The following CBX8 variants were observed in gnomAD, a reference collection of about 807,000 sequenced individuals.
The protein encoded by CBX8 is chromobox 8, also known as chromobox protein homolog 8.
CBX8 carries 8 observed loss-of-function variants against 39.7 expected under a neutral mutation model. The observed-to-expected ratio is 0.20, with a 90% CI of 0.12 to 0.36. The LOEUF (loss-of-function observed/expected upper bound fraction) is 0.36. Among genes scored for constraint, CBX8 ranks in the 10% least tolerant of loss-of-function variants. CBX8 has a pLI of 1.00. For synonymous variants in CBX8, 268 were observed against 219.8 expected (o/e 1.22, Z -1.94); for missense variants, 505 against 529.6 (o/e 0.95, Z 0.46).
At position 79,794,198 on chromosome 17, in the gene CBX8, T is replaced by TG. The variant is rs1205365560; in HGVS notation, c.*436dup. ...GTGCCAGGAGTCTGGCATTGGGCTG[T>TG]GGGAGAAGGGAGGAGGGGTGAGGTG... is the stretch of plus-strand genomic sequence containing the variant. On this transcript the variant is annotated 3_prime_UTR_variant, in exon 5 of 5. Coordinates refer to ENST00000269385, the MANE Select transcript of CBX8 (RefSeq NM_020649.3). The TG allele has an allele frequency of 6.6e-6, 1 of 152,046 alleles. No individual in the cohort carries two copies. Among genetic ancestry groups the TG allele is most frequent in the Non-Finnish European group, 1.5e-5 (1 of 68,116 alleles). The allele number at this position is 152,046 out of a possible 1,614,324, so 9.4% of individuals were successfully genotyped here.
At chr17:79,796,903 G>A (rs750380881) in intron 1 of CBX8, 27 bp downstream of exon 1, 5 of 1,589,116 alleles carry the variant, frequency 3.1e-6, no homozygotes, top group Admixed American at 1.7e-5. Flanking sequence ...CCGGCCGCAC[G>A]GAGGCCCTAG....
chr17:79,796,880 G>A, intron 1 of CBX8, 50 bp downstream of exon 1: 2 of 1,531,376 alleles, frequency 1.3e-6, no homozygotes, highest in Non-Finnish European at 1.8e-6. Context: ...AACCCGGGCC[G>A]GGAGGGGAGG....
chr17:79,795,679 C>CATGG lies in CBX8; in HGVS notation c.247-125_247-122dup. On this transcript the variant is annotated intron_variant, in intron 4 of 4. Coordinates refer to ENST00000269385, the MANE Select transcript of CBX8 (RefSeq NM_020649.3). This position sits in a 1 kb window ranked among gnomAD's most constrained non-coding sequence, Gnocchi z 5.8. ...ATGCCTGGGAATTTCTACATGGATG[C>CATGG]ATGGATGGGTGGGTGGGTGGGTGGG... is the stretch of plus-strand genomic sequence containing the variant. 1 of 28,970 alleles carries CATGG rather than the reference C, an allele frequency of 3.5e-5. No homozygotes were observed. The highest frequency in any genetic ancestry group is 1.5e-3 in the East Asian group (1 of 666). 1.8% of individuals were successfully genotyped at this position (28,970 alleles called of 1,614,324 possible). A position where few individuals can be genotyped will look rare whatever the true frequency, so the allele number is the denominator to read the frequency against.
intron 1 of CBX8, 54 bp from the exon 2 acceptor site, chr17:79,796,594 A>G (rs2145839565): frequency 6.3e-7 from 1 of 1,597,464 alleles, no homozygotes; most frequent in East Asian, 2.2e-5. Context: ...CATGACGAGG[A>G]TACAAGAAAT....
At position 79,794,638 on chromosome 17, in the gene CBX8, T is replaced by A; in HGVS notation, c.1167A>T (p.Arg389Ser). 6.4e-7 allele frequency: 1 copy of A among 1,562,010 alleles called. No individual in the cohort carries two copies. The highest frequency in any genetic ancestry group is 8.6e-7 in the Non-Finnish European group (1 of 1,158,046). ...CCTGGACACACCCACCCAGCATTCA[T>A]CTTTTCTCTTTAAAAAAGCCTTGGT... ...NTDQGFFKEKR is the reference protein window; with the variant it reads ...NTDQGFFKEKS The change falls in exon 5 of 5, where the codon AGA (arginine) becomes AGT (serine). Residue 389 changes from arginine (R) to serine (S), a missense_variant. Coordinates refer to ENST00000269385, the MANE Select transcript of CBX8 (RefSeq NM_020649.3).
In CBX8 at chr17:79,794,512, T is replaced by G. The variant is rs1018044695; in HGVS notation, c.*123A>C. ...GGAGGGATGAAAGGGGCTGGTGGGG[T>G]GGGGGTGACATCAGGGACGGGACCA... On this transcript the variant is annotated 3_prime_UTR_variant, in exon 5 of 5. Coordinates refer to ENST00000269385, the MANE Select transcript of CBX8 (RefSeq NM_020649.3). The G allele has an allele frequency of 1.9e-5, 12 of 622,366 alleles. No individual in the cohort carries two copies. Among genetic ancestry groups the G allele is most frequent in the Admixed American group, 2.8e-5 (1 of 35,286 alleles). The allele number at this position is 622,366 out of a possible 1,614,324, so 38.6% of individuals were successfully genotyped here. A position where few individuals can be genotyped will look rare whatever the true frequency, so the allele number is the denominator to read the frequency against.
chr17:79,796,120 T>C lies in CBX8; in HGVS notation c.183A>G (p.Glu61=). The C allele has an allele frequency of 6.2e-7, 1 of 1,614,136 alleles. No individual in the cohort carries two copies. The highest frequency in any genetic ancestry group is 8.5e-7 in the Non-Finnish European group (1 of 1,180,020). ...ARLLAAFEER[E]REMELYGPKK... is the part of the protein sequence containing the mutation. Reference sequence around the variant, plus strand: ...TGGGGCCATAGAGCTCCATCTCTCTTTCCCTGGAGAAAGAAGAAAAGGAGA... The same window carrying C: ...TGGGGCCATAGAGCTCCATCTCTCTCTCCCTGGAGAAAGAAGAAAAGGAGA... The change falls in exon 4 of 5, where the codon GAA becomes GAG. Residue 61 remains glutamate (E), a synonymous_variant. Coordinates refer to ENST00000269385, the MANE Select transcript of CBX8 (RefSeq NM_020649.3).
Position 79,796,832 on chromosome 17 carries a change from C to A in CBX8, c.69+98G>T, listed in dbSNP as rs1908113351. The A allele has an allele frequency of 4.9e-6, 6 of 1,218,124 alleles. No individual in the cohort carries two copies. The East Asian group carries it at 1.6e-4, about 32-fold the overall frequency. The allele number at this position is 1,218,124 out of a possible 1,614,324, so 75.5% of individuals were successfully genotyped here. On this transcript the variant is annotated intron_variant, in intron 1 of 4. Transcript: ENST00000269385. Reference sequence around the variant, plus strand: ...GCCACGGCCGCGGCCGCTGCTGGGACCTGGGGGAAGGGAAGCTGGGCTGCA... The same window carrying A: ...GCCACGGCCGCGGCCGCTGCTGGGAACTGGGGGAAGGGAAGCTGGGCTGCA...
rs1037700471 is a variant in CBX8, at chr17:79,793,025, G to A, written c.*1610C>T. The A allele has an allele frequency of 1.3e-5, 2 of 152,276 alleles. No homozygotes were observed. The highest frequency in any genetic ancestry group is 2.9e-5 in the Non-Finnish European group (2 of 68,078). The allele number at this position is 152,276 out of a possible 1,614,324, so 9.4% of individuals were successfully genotyped here. ...TCGCTGGCCCTTTAAGGGCGGGGAG[G>A]GCAGGGAGGCTGCGGGATCCGTGCT... On this transcript the variant is annotated 3_prime_UTR_variant, in exon 5 of 5. Coordinates refer to ENST00000269385, the MANE Select transcript of CBX8 (RefSeq NM_020649.3).
At chr17:79,796,586 T>A in intron 1 of CBX8, 46 bp from the exon 2 acceptor site, 1 of 1,607,502 alleles carries the variant, frequency 6.2e-7, no homozygotes, top group Non-Finnish European at 8.5e-7. Context: ...GAGAAACGCA[T>A]GACGAGGATA....
In CBX8 at chr17:79,792,929, C is replaced by G. The variant is rs924803641; in HGVS notation, c.*1706G>C. The G allele has an allele frequency of 3.3e-5, 5 of 151,660 alleles. No individual in the cohort carries two copies. Among genetic ancestry groups the G allele is most frequent in the Admixed American group, 3.3e-4 (5 of 15,256 alleles). The allele number at this position is 151,660 out of a possible 1,614,324, so 9.4% of individuals were successfully genotyped here. ...CCCCGACTCCCCGCCTCGCTCCCCC[C>G]GAGTCTGTGCTTCCTCTGGCGTGCA... On this transcript the variant is annotated 3_prime_UTR_variant, in exon 5 of 5. Coordinates refer to ENST00000269385, the MANE Select transcript of CBX8 (RefSeq NM_020649.3).
In CBX8 at chr17:79,795,322, ATCCCGC is replaced by A. The variant is rs769026194; in HGVS notation, c.477_482del (p.Glu159_Arg160del). 8.2e-6 allele frequency: 13 copies of A among 1,580,830 alleles called. No individual in the cohort carries two copies. Among genetic ancestry groups the A allele is most frequent in the Non-Finnish European group, 1.1e-5 (13 of 1,162,274 alleles). On this transcript the variant is annotated inframe_deletion, in exon 5 of 5. Coordinates refer to ENST00000269385, the MANE Select transcript of CBX8 (RefSeq NM_020649.3). The surrounding 1 kb of genome is among the most constrained non-coding windows in gnomAD (Gnocchi z 5.8). ...TCTCTCGCTCCCTCTCCCTTTCTCGATCCCGCTCCCGGTCCCTATCCCGGTCTCGGT... is the reference window on the plus strand; with the variant it reads ...TCTCTCGCTCCCTCTCCCTTTCTCGATCCCGGTCCCTATCCCGGTCTCGGT...
Position 79,794,855 on chromosome 17 carries a change from C to CA in CBX8, c.949_950insT (p.Gly317ValfsTer41), listed in dbSNP as rs113547221. 6.2e-7 allele frequency: 1 copy of CA among 1,608,548 alleles called. No homozygotes were observed. On this transcript the variant is annotated frameshift_variant, in exon 5 of 5. Transcript: ENST00000269385. LOFTEE classifies it high-confidence loss of function. ...CCCCATGTCCCGGTACAGGCCCCCC[C>CA]CAGAGCTGGGGGGGCCTGAGCCATG...
rs903824647 is a variant in CBX8, at chr17:79,795,965, G to A, written c.246+92C>T. The A allele has an allele frequency of 4.4e-6, 5 of 1,136,488 alleles. No homozygotes were observed. Among genetic ancestry groups the A allele is most frequent in the Non-Finnish European group, 6.6e-6 (5 of 759,714 alleles). The allele number at this position is 1,136,488 out of a possible 1,614,324, so 70.4% of individuals were successfully genotyped here. A position where few individuals can be genotyped will look rare whatever the true frequency, so the allele number is the denominator to read the frequency against. Reference sequence around the variant, plus strand: ...CCTACATTACAAATAGGCAACATGTGTGGACACCCCATTGGCTCACAGCCC... The same window carrying A: ...CCTACATTACAAATAGGCAACATGTATGGACACCCCATTGGCTCACAGCCC... On this transcript the variant is annotated intron_variant, in intron 4 of 4. Transcript: ENST00000269385. The surrounding 1 kb of genome is among the most constrained non-coding windows in gnomAD (Gnocchi z 5.8).
Position 79,794,984 on chromosome 17 carries a change from T to C in CBX8, c.821A>G (p.Lys274Arg), listed in dbSNP as rs1172666829. Reference protein sequence around the residue: ...TSPSSAEATGKLAVDTFPARV... With the variant: ...TSPSSAEATGRLAVDTFPARV... ...GGCCGGGAAGGTGTCCACAGCCAGT[T>C]TGCCCGTGGCCTCAGCTGAGCTAGG... Residue 274 changes from lysine (K) to arginine (R), a missense_variant, in exon 5 of 5, where the codon AAA becomes AGA. By Grantham distance (26) the Lys-to-Arg change is conservative. Coordinates refer to ENST00000269385, the MANE Select transcript of CBX8 (RefSeq NM_020649.3). The C allele has an allele frequency of 6.2e-7, 1 of 1,605,792 alleles. No homozygotes were observed. The highest frequency in any genetic ancestry group is 1.3e-5 in the African/African-American group (1 of 74,874).
In CBX8 at chr17:79,796,806, C is replaced by T. The variant is rs955319317; in HGVS notation, c.69+124G>A. 2.4e-5 allele frequency: 23 copies of T among 954,394 alleles called. No homozygotes were observed. The Admixed American group carries it at 4.6e-4, about 19-fold the overall frequency. 59.1% of individuals were successfully genotyped at this position (954,394 alleles called of 1,614,324 possible). ...GGCTCAGAGCTGCCGCCGCCGCCGCCGCCACGGCCGCGGCCGCTGCTGGGA... is the reference window on the plus strand; with the variant it reads ...GGCTCAGAGCTGCCGCCGCCGCCGCTGCCACGGCCGCGGCCGCTGCTGGGA... On this transcript the variant is annotated intron_variant, in intron 1 of 4. Transcript: ENST00000269385.
At chr17:79,796,609 G>C in intron 1 of CBX8, 69 bp from the exon 2 acceptor site, 1 of 1,558,580 alleles carries the variant, frequency 6.4e-7, no homozygotes, top group Non-Finnish European at 8.9e-7. Flanking sequence ...AGAAATGCAT[G>C]CGAAAATGCA....
Position 79,797,029 on chromosome 17 carries a change from T to G in CBX8, c.-31A>C, listed in dbSNP as rs1296286738. 1 of 1,597,658 alleles carries G rather than the reference T, an allele frequency of 6.3e-7. No homozygotes were observed. The highest frequency in any genetic ancestry group is 1.1e-5 in the South Asian group (1 of 88,592). ...CTCGCCGCTTCCCCCCTTGGCCGCT[T>G]CCAGGAGCAGAAAAGCAGCAGCCAG... On this transcript the variant is annotated 5_prime_UTR_variant, in exon 1 of 5. Transcript: ENST00000269385.
intron 2 of CBX8, 77 bp from the exon 3 acceptor site, chr17:79,796,392 T>C (rs1369701147): frequency 6.3e-7 from 1 of 1,576,030 alleles, no homozygotes; most frequent in Non-Finnish European, 8.7e-7. Flanking sequence ...TGTGTGTAAC[T>C]TTTCTCATTG....
Sources: allele counts gnomAD v4.1 joint callset, GRCh38; gene constraint gnomAD v4.1.1; non-coding constraint Gnocchi (gnomAD v3.1); transcripts MANE v1.5; gene names NCBI Gene and HGNC (gene_info 2026-07-23, HGNC 2026-07-21).